Variants in WDPCP observed in about 807,000 individuals in gnomAD.
WDPCP encodes the protein WD repeat containing planar cell polarity effector.
Under a neutral mutation model 93.1 loss-of-function variants are expected in WDPCP, and 71 were observed. That is an observed-to-expected ratio of 0.76 (90% CI 0.63 to 0.93). The LOEUF is 0.93. Among genes scored for constraint, WDPCP ranks in the 40% least tolerant of loss-of-function variants. The pLI is 0.00. For missense variants in WDPCP, 844 were observed against 887.4 expected, an observed-to-expected ratio of 0.95 and a Z score of 0.62; for synonymous variants, 315 against 315.0, an observed-to-expected ratio of 1.00 and a Z score of 0.00.
At chr2:63,464,608 C>G (rs1042966192) in intron 6 of WDPCP, among the ~76,000 whole-genome samples, 1 of 151,662 alleles carries the variant, frequency 6.6e-6, no homozygotes, top group African/African-American at 2.4e-5. Flanking sequence ...GCACTATTCA[C>G]AAACTCTAAG....
At chr2:63,407,263 C>G (rs1011596414) in intron 9 of WDPCP, among the ~76,000 whole-genome samples, 2 of 151,966 alleles carry the variant, frequency 1.3e-5, no homozygotes, top group Non-Finnish European at 2.9e-5. Context: ...GGTGGAATCT[C>G]TATTGGCCAG....
At chr2:63,825,710 CA>C (rs554017111) in intron 1 of WDPCP, among the ~76,000 whole-genome samples, 98 of 152,058 alleles carry the variant, frequency 6.4e-4, no homozygotes, top group Non-Finnish European at 1.3e-3. Context: ...AATCATGTGA[CA>C]GGGGAAAGGA....
intron 17 of WDPCP, among the ~76,000 whole-genome samples, chr2:63,142,083 C>T (rs1159275770): frequency 6.6e-6 from 1 of 152,036 alleles, no homozygotes; most frequent in African/African-American, 2.4e-5. Flanking sequence ...TTCAAAGAAC[C>T]AGCTTTTTGT....
In WDPCP at chr2:63,302,945, G is replaced by C. The variant is rs370320160; in HGVS notation, c.1812+10303C>G. ...TTTTAGTCTCTGCCATTTTACAATGGTGACTATCTTCTTGTGCTAAGTCAG... is the reference window on the plus strand; with the variant it reads ...TTTTAGTCTCTGCCATTTTACAATGCTGACTATCTTCTTGTGCTAAGTCAG... On this transcript the variant is annotated intron_variant, in intron 13 of 17. Transcript: ENST00000272321. Among the ~76,000 whole-genome samples the C allele has an allele frequency of 5.3e-5, 8 of 152,278 alleles. No individual in the cohort carries two copies. In the South Asian group the frequency reaches 1.7e-3, roughly 32 times the overall value.
At chr2:63,142,921 T>TACACACAC (rs762369666) in intron 17 of WDPCP, among the ~76,000 whole-genome samples, 18 of 76,558 alleles carry the variant, frequency 2.4e-4, no homozygotes, top group Non-Finnish European at 4.8e-4. Flanking sequence ...TACACATACA[T>TACACACAC]ATACACACAC....
chr2:63,301,853 G>A (rs182292029), intron 13 of WDPCP, among the ~76,000 whole-genome samples: 7 of 151,696 alleles, frequency 4.6e-5, no homozygotes, highest in Non-Finnish European at 4.4e-5. Flanking sequence ...CACTCCCTTG[G>A]AGTGCATTCT....
intron 2 of WDPCP, among the ~76,000 whole-genome samples, chr2:63,770,685 C>T (rs543118368): frequency 3.3e-5 from 5 of 151,850 alleles, no homozygotes; most frequent in Non-Finnish European, 7.4e-5. Context: ...AAGGAGTCTA[C>T]AGGGTCAAAA....
At chr2:63,529,315 A>G (rs1266089414) in intron 1 of WDPCP, among the ~76,000 whole-genome samples, 2 of 152,158 alleles carry the variant, frequency 1.3e-5, no homozygotes, top group Admixed American at 1.3e-4. Flanking sequence ...GAATGCTTCC[A>G]GTTTTTGCCC....
chr2:63,764,866 CCTAGCCCAGATTCT>C, intron 2 of WDPCP, among the ~76,000 whole-genome samples: 1 of 152,290 alleles, frequency 6.6e-6, no homozygotes, highest in Non-Finnish European at 1.5e-5. Flanking sequence ...AGATTACTTT[CCTAGCCCAGATTCT>C]CTTTGAGGTC....
At chr2:63,721,700 C>T (rs1330271547) in intron 2 of WDPCP, among the ~76,000 whole-genome samples, 1 of 148,204 alleles carries the variant, frequency 6.7e-6, no homozygotes, top group African/African-American at 2.5e-5. Context: ...TGCCCTCCCG[C>T]TCCCCCTGCC....
chr2:63,328,019 A>T (rs1687692794), intron 12 of WDPCP, among the ~76,000 whole-genome samples: 3 of 152,144 alleles, frequency 2.0e-5, no homozygotes, highest in Non-Finnish European at 4.4e-5. Flanking sequence ...CCAAATTCCC[A>T]ACAGCAATTG....
At chr2:63,161,009 TG>T (rs1672605120) in intron 15 of WDPCP, among the ~76,000 whole-genome samples, 1 of 152,248 alleles carries the variant, frequency 6.6e-6, no homozygotes, top group Non-Finnish European at 1.5e-5. Context: ...ATAGGGGATT[TG>T]CAGATGACAT....
chr2:63,386,854 G>A (rs569051557), intron 10 of WDPCP, among the ~76,000 whole-genome samples: 1 of 151,862 alleles, frequency 6.6e-6, no homozygotes, highest in Non-Finnish European at 1.5e-5. Context: ...GAGGATATTA[G>A]GAACACCTCT....
intron 14 of WDPCP, among the ~76,000 whole-genome samples, chr2:63,219,497 T>C (rs1472264373): frequency 6.6e-6 from 1 of 152,248 alleles, no homozygotes; most frequent in Non-Finnish European, 1.5e-5. Context: ...CTCAAGCAGA[T>C]ACTTTTCTTC....
chr2:63,761,518 G>A (rs184342393), intron 2 of WDPCP, among the ~76,000 whole-genome samples: 2 of 151,910 alleles, frequency 1.3e-5, no homozygotes, highest in African/African-American at 4.8e-5. Context: ...ATTAACTCAC[G>A]CAATCACAAT....
At chr2:63,400,899 G>A (rs2105142808) in intron 10 of WDPCP, among the ~76,000 whole-genome samples, 1 of 152,266 alleles carries the variant, frequency 6.6e-6, no homozygotes, top group African/African-American at 2.4e-5. Context: ...ATGGGGAGAG[G>A]ATCCCCTATT....
At chr2:63,407,157 C>T (rs919079132) in intron 9 of WDPCP, among the ~76,000 whole-genome samples, 1 of 151,716 alleles carries the variant, frequency 6.6e-6, no homozygotes, top group East Asian at 1.9e-4. Flanking sequence ...ACAGAGAGAT[C>T]GAGACAGACC....
rs969016185 is a variant in WDPCP, at chr2:63,286,700, T to G, written c.1812+26548A>C. On this transcript the variant is annotated intron_variant, in intron 13 of 17. Transcript: ENST00000272321. ...TTTAAAAATCCAATCTTATGGTCAC[T>G]GATTTTCAACAAGTGAATTTAATTC... 2.6e-5 allele frequency among the ~76,000 whole-genome samples: 4 copies of G among 152,262 alleles called. No homozygotes were observed. The East Asian group carries it at 7.7e-4, about 29-fold the overall frequency.
intron 17 of WDPCP, among the ~76,000 whole-genome samples, chr2:63,135,077 C>T (rs1220895542): frequency 2.6e-5 from 4 of 152,044 alleles, no homozygotes; most frequent in Non-Finnish European, 5.9e-5. Context: ...GAGCTGAGAT[C>T]GCACCACTGC....
Sources: allele counts gnomAD v4.1 joint callset (sites outside exome capture counted in the v4.1 genomes callset), GRCh38; gene constraint gnomAD v4.1.1; transcripts MANE v1.5; gene names NCBI Gene and HGNC (gene_info 2026-07-23, HGNC 2026-07-21).